Variants in TRPM7 observed in about 807,000 individuals in gnomAD.
TRPM7 encodes the protein LTRPC ion channel family member 7.
TRPM7 carries 134 observed loss-of-function variants against 229.7 expected under a neutral mutation model. The ratio of observed to expected loss-of-function variants is 0.58; its 90% CI spans 0.51 to 0.67. TRPM7 has a LOEUF of 0.67. Among genes scored for constraint, TRPM7 ranks in the 30% least tolerant of loss-of-function variants. The probability of loss-of-function intolerance (pLI) is 0.00; values close to 1 mark genes in which losing one functional copy is unlikely to be tolerated. For missense variants in TRPM7, 1,901 were observed against 2,210.0 expected, an observed-to-expected ratio of 0.86 and a Z score of 2.80; for synonymous variants, 699 against 715.2, an observed-to-expected ratio of 0.98 and a Z score of 0.36.
chr15:50,579,229 G>A (rs576053987), intron 30 of TRPM7, among the ~76,000 whole-genome samples: 21 of 152,288 alleles, frequency 1.4e-4, no homozygotes, highest in Non-Finnish European at 2.2e-4. Context: ...CACACAGGTA[G>A]AGTGGAAAAG....
chr15:50,641,560 T>C (rs1019355546), intron 5 of TRPM7, among the ~76,000 whole-genome samples: 5 of 152,208 alleles, frequency 3.3e-5, no homozygotes, highest in African/African-American at 2.4e-5. Context: ...ATAACACTTA[T>C]CAGCATCTAA....
chr15:50,622,171 C>T (rs2060426185), intron 12 of TRPM7, among the ~76,000 whole-genome samples: 1 of 152,062 alleles, frequency 6.6e-6, no homozygotes, highest in Non-Finnish European at 1.5e-5. Context: ...TTAATAAAAA[C>T]AAATATTTTT....
At position 50,634,422 on chromosome 15, in the gene TRPM7, C is replaced by T. The variant is rs1329922445; in HGVS notation, c.967G>A (p.Asp323Asn). 3 of 1,587,148 alleles carry T rather than the reference C, an allele frequency of 1.9e-6. No individual in the cohort carries two copies. The highest frequency in any genetic ancestry group is 1.7e-6 in the Non-Finnish European group (2 of 1,168,984). ...VVCEGTGRAADLLAYIHKQTE... is the reference protein window; with the variant it reads ...VVCEGTGRAANLLAYIHKQTE... ...TGTTTATGAATATACGCTAGCAGAT[C>T]TGCAGCTCTGCCTGTTCCTTCACAC... Residue 323 changes from aspartate (D) to asparagine (N), a missense_variant, in exon 8 of 39, where the codon GAT becomes AAT. By Grantham distance (23) the Asp-to-Asn change is conservative (BLOSUM62 1). Around this residue, in one of 8 missense-constraint regions of TRPM7, gnomAD observed 794 missense variants for 881.9 expected, o/e 0.90. Coordinates refer to ENST00000646667, the MANE Select transcript of TRPM7 (RefSeq NM_017672.6).
chr15:50,613,755 T>G lies in TRPM7; in HGVS notation c.1722A>C (p.Lys574Asn), dbSNP rs56040619. 3 of 1,613,882 alleles carry G rather than the reference T, an allele frequency of 1.9e-6. No homozygotes were observed. The highest frequency in any genetic ancestry group is 2.5e-6 in the Non-Finnish European group (3 of 1,179,886). ...SFGNRADKKE[K>N]MRHNHFIKTA... is the part of the protein sequence containing the mutation. The stretch of plus-strand genomic sequence containing the variant: ...TCTTAATGAAATGGTTATGCCTCAT[T>G]TTTTCCTTTTTATCTGCCCTATTGC... The change falls in exon 15 of 39, where the codon AAA becomes AAC. Residue 574 changes from lysine to asparagine, a missense_variant. Physicochemically the swap from Lys to Asn is moderately conservative, Grantham distance 94. Transcript: ENST00000646667.
Position 50,662,497 on chromosome 15 carries a change from T to C in TRPM7, c.83+470A>G, listed in dbSNP as rs139838116. Among the ~76,000 whole-genome samples the C allele has an allele frequency of 1.8e-3, 280 of 152,260 alleles. 2 individuals carry two copies. The highest frequency in any genetic ancestry group is 6.5e-3 in the African/African-American group (271 of 41,550). On this transcript the variant is annotated intron_variant, in intron 2 of 38. Transcript: ENST00000646667. The stretch of plus-strand genomic sequence containing the variant: ...ACACCTATAGTCTCTGATAATAGAT[T>C]TTCCAGTAAATAATGATCTGTATCT...
At chr15:50,641,997 C>CAAAAAAAAAAAAAA in intron 5 of TRPM7, among the ~76,000 whole-genome samples, 1 of 122,012 alleles carries the variant, frequency 8.2e-6, no homozygotes, top group Non-Finnish European at 1.7e-5. Flanking sequence ...GACTCTGTCT[C>CAAAAAAAAAAAAAA]AAAAAAAAAA....
At chr15:50,619,889 T>C in intron 12 of TRPM7, 91 bp from the exon 13 acceptor site, 1 of 1,100,748 alleles carries the variant, frequency 9.1e-7, no homozygotes, top group East Asian at 2.6e-5. Context: ...TTATACAAAT[T>C]ACATTGTTTT....
Position 50,613,834 on chromosome 15 carries a change from C to T in TRPM7, c.1643G>A (p.Gly548Asp), listed in dbSNP as rs1267024780. 6.2e-7 allele frequency: 1 copy of T among 1,608,932 alleles called. No homozygotes were observed. The highest frequency in any genetic ancestry group is 1.7e-4 in the Middle Eastern group (1 of 6,038). The change falls in exon 15 of 39, where the codon GGC (glycine) becomes GAC (aspartate). Residue 548 changes from glycine to aspartate, a missense_variant. Physicochemically the swap from Gly to Asp is moderately conservative, Grantham distance 94 (BLOSUM62 -1). Around this residue, in one of 8 missense-constraint regions of TRPM7, gnomAD observed 794 missense variants for 881.9 expected, o/e 0.90. Transcript: ENST00000646667. ...NSLGGNNRRS[G>D]RNTSSSTPQL... ...AGGAGTGCTGCTGGAGGTATTTCGGCCAGACCTCTGAAAATGAGATCTTAT... is the reference window on the plus strand; with the variant it reads ...AGGAGTGCTGCTGGAGGTATTTCGGTCAGACCTCTGAAAATGAGATCTTAT...
chr15:50,665,099 G>A (rs1297277706), intron 1 of TRPM7, among the ~76,000 whole-genome samples: 1 of 152,092 alleles, frequency 6.6e-6, no homozygotes, highest in African/African-American at 2.4e-5. Context: ...GCACACATGA[G>A]GCATTTATAA....
intron 1 of TRPM7, among the ~76,000 whole-genome samples, chr15:50,671,345 A>G (rs942332762): frequency 3.9e-5 from 6 of 152,172 alleles, no homozygotes; most frequent in African/African-American, 1.4e-4. Context: ...TTCACTTAAC[A>G]TAATGTCCTC....
At chr15:50,628,402 G>C (rs1451198272) in intron 10 of TRPM7, among the ~76,000 whole-genome samples, 153 bp from the exon 11 acceptor site, 1 of 151,874 alleles carries the variant, frequency 6.6e-6, no homozygotes, top group African/African-American at 2.4e-5. Flanking sequence ...TGAATTCCTG[G>C]GTTCAAGTGT....
chr15:50,578,854 A>T (rs567257414), intron 30 of TRPM7, among the ~76,000 whole-genome samples, 190 bp from the exon 31 acceptor site: 1 of 150,892 alleles, frequency 6.6e-6, no homozygotes, highest in Non-Finnish European at 1.5e-5. Flanking sequence ...ATATATCTAT[A>T]TATATATATC....
chr15:50,676,413 A>T (rs776729808), intron 1 of TRPM7, among the ~76,000 whole-genome samples: 15 of 152,066 alleles, frequency 9.9e-5, no homozygotes, highest in Non-Finnish European at 1.9e-4. Flanking sequence ...ACCACCATAA[A>T]TTCTGGACAA....
rs1279179983 is a variant in TRPM7, at chr15:50,592,585, C to T, written c.3650G>A (p.Arg1217His). 3.1e-6 allele frequency: 5 copies of T among 1,604,474 alleles called. No homozygotes were observed. Among genetic ancestry groups the T allele is most frequent in the East Asian group, 2.2e-5 (1 of 44,828 alleles). The change falls in exon 26 of 39, where the codon CGT becomes CAT. Residue 1217 changes from arginine (R) to histidine (H), a missense_variant. Arg to His is a conservative substitution (Grantham distance 29). Coordinates refer to ENST00000646667, the MANE Select transcript of TRPM7 (RefSeq NM_017672.6). ...TAATGATCTTTTTATGTAGTTGACACGATCTCCAACTTCTTTAATCTGAAT... is the reference window on the plus strand; with the variant it reads ...TAATGATCTTTTTATGTAGTTGACATGATCTCCAACTTCTTTAATCTGAAT... The part of the protein sequence containing the change: ...MCIQIKEVGD[R>H]VNYIKRSLQS...
chr15:50,658,938 C>T (rs1482078103), intron 2 of TRPM7, among the ~76,000 whole-genome samples: 2 of 152,288 alleles, frequency 1.3e-5, no homozygotes, highest in South Asian at 2.1e-4. Context: ...GTGGCTCACG[C>T]CTGTAATGCC....
chr15:50,625,421 T>C (rs1427617163), intron 11 of TRPM7, among the ~76,000 whole-genome samples: 3 of 152,264 alleles, frequency 2.0e-5, no homozygotes, highest in South Asian at 4.1e-4. Flanking sequence ...ATTTTAAGTA[T>C]ATACTTTCTG....
chr15:50,590,716 C>G (rs1366324692), intron 26 of TRPM7, among the ~76,000 whole-genome samples: 2 of 151,822 alleles, frequency 1.3e-5, no homozygotes, highest in Non-Finnish European at 2.9e-5. Flanking sequence ...CTCAGCTACT[C>G]AGGAGGCTGA....
At chr15:50,595,601 C>T (rs954884933) in intron 23 of TRPM7, among the ~76,000 whole-genome samples, 4 of 152,070 alleles carry the variant, frequency 2.6e-5, no homozygotes, top group African/African-American at 9.7e-5. Flanking sequence ...TGGCTCATGC[C>T]TGTAATCCCA....
intron 1 of TRPM7, among the ~76,000 whole-genome samples, chr15:50,683,909 T>C (rs1341538843): frequency 1.3e-5 from 2 of 151,932 alleles, no homozygotes; most frequent in African/African-American, 2.4e-5. Flanking sequence ...TCACCCAGGC[T>C]GGAGTGAATG....
Sources: gnomAD v4.1 joint callset for allele counts (sites outside exome capture counted in the v4.1 genomes callset) on GRCh38, gnomAD v4.1.1 for gene constraint, gnomAD v4.1.1 regional missense constraint, MANE v1.5 for transcripts, NCBI Gene and HGNC (gene_info 2026-07-23, HGNC 2026-07-21) for gene names.